RAP1B: variants seen among roughly 807,000 people sequenced by gnomAD.
The protein encoded by RAP1B is ras-related protein Rap-1b.
Under a neutral mutation model 27.5 loss-of-function variants are expected in RAP1B, and 1 was observed. The ratio of observed to expected loss-of-function variants is 0.04; its 90% CI spans 0.01 to 0.17. The LOEUF (loss-of-function observed/expected upper bound fraction) is 0.17, where lower values mean the gene tolerates loss of function less well. Among genes scored for constraint, RAP1B ranks in the 10% least tolerant of loss-of-function variants. The pLI is 1.00. For missense variants in RAP1B, 84 were observed against 214.8 expected, an observed-to-expected ratio of 0.39 and a Z score of 3.81; for synonymous variants, 75 against 73.1, an observed-to-expected ratio of 1.03 and a Z score of -0.13.
At chr12:68,623,678 T>C (rs1390841464) in intron 1 of RAP1B, among the ~76,000 whole-genome samples, 2 of 152,210 alleles carry the variant, frequency 1.3e-5, no homozygotes, top group Non-Finnish European at 2.9e-5. Context: ...ACCAACATAG[T>C]TATAGAACTT....
intron 1 of RAP1B, among the ~76,000 whole-genome samples, chr12:68,633,598 C>T (rs1479699254): frequency 1.3e-5 from 2 of 152,094 alleles, no homozygotes; most frequent in Non-Finnish European, 2.9e-5. Flanking sequence ...CGGCTGGGTG[C>T]GGTGGCTCAA....
chr12:68,621,811 A>G (rs1452074513), intron 1 of RAP1B, among the ~76,000 whole-genome samples: 1 of 152,224 alleles, frequency 6.6e-6, no homozygotes, highest in Admixed American at 6.5e-5. Context: ...TTTGAGTTAG[A>G]GATTATAGTC....
chr12:68,613,783 T>C (rs1281212488), intron 1 of RAP1B, among the ~76,000 whole-genome samples: 2 of 152,230 alleles, frequency 1.3e-5, no homozygotes, highest in African/African-American at 4.8e-5. Context: ...GTAATGAACA[T>C]TCAAAGAGAG....
chr12:68,654,593 T>C (rs1354503183), intron 5 of RAP1B, among the ~76,000 whole-genome samples: 11 of 151,794 alleles, frequency 7.2e-5, no homozygotes. Flanking sequence ...TTCTCCTGCC[T>C]CAGCCTCCCG....
chr12:68,657,862 A>G (rs549805299), intron 7 of RAP1B: 2 of 154,580 alleles, frequency 1.3e-5, no homozygotes, highest in African/African-American at 2.5e-5. Context: ...CATGTTCATC[A>G]TGTGCCAGTC....
chr12:68,643,919 G>A (rs1207056589), intron 1 of RAP1B, among the ~76,000 whole-genome samples: 1 of 151,804 alleles, frequency 6.6e-6, no homozygotes, highest in Non-Finnish European at 1.5e-5. Flanking sequence ...CCCCCACCTT[G>A]TCATGTATTT....
intron 1 of RAP1B, among the ~76,000 whole-genome samples, chr12:68,614,418 T>C (rs1870832136): frequency 6.6e-6 from 1 of 152,252 alleles, no homozygotes; most frequent in Non-Finnish European, 1.5e-5. Flanking sequence ...GGTTGGGTAT[T>C]GATCTGCAGT....
chr12:68,666,798 C>T lies in RAP1B; in HGVS notation c.*7549C>T, dbSNP rs1874874214. 1.3e-5 allele frequency: 2 copies of T among 152,174 alleles called. No individual in the cohort carries two copies. Among genetic ancestry groups the T allele is most frequent in the African/African-American group, 4.8e-5 (2 of 41,442 alleles). 9.4% of individuals were successfully genotyped at this position (152,174 alleles called of 1,614,324 possible). A position where few individuals can be genotyped will look rare whatever the true frequency, so the allele number is the denominator to read the frequency against. On this transcript the variant is annotated 3_prime_UTR_variant, in exon 8 of 8. Coordinates refer to ENST00000250559, the MANE Select transcript of RAP1B (RefSeq NM_001010942.3). ...CTAGTATGGGTCTGCTCCAAGATAA[C>T]TCAAAACATTCTGAACTGAATCAGC...
At chr12:68,625,045 G>A (rs531210985) in intron 1 of RAP1B, among the ~76,000 whole-genome samples, 1 of 152,234 alleles carries the variant, frequency 6.6e-6, no homozygotes, top group African/African-American at 2.4e-5. Flanking sequence ...AATGTTCAAC[G>A]ATGCACACAT....
chr12:68,627,979 C>T (rs933288814), intron 1 of RAP1B, among the ~76,000 whole-genome samples: 23 of 152,058 alleles, frequency 1.5e-4, no homozygotes, highest in African/African-American at 4.3e-4. Context: ...ATGCAGCACA[C>T]GCCTATAGTC....
chr12:68,650,598 T>C, intron 3 of RAP1B, 130 bp downstream of exon 3: 8 of 887,716 alleles, frequency 9.0e-6, no homozygotes, highest in Non-Finnish European at 1.2e-5. Flanking sequence ...GGGAAAAGTT[T>C]ACACTTTCTG....
intron 1 of RAP1B, among the ~76,000 whole-genome samples, chr12:68,646,217 A>G (rs897950176): frequency 6.6e-6 from 1 of 152,058 alleles, no homozygotes; most frequent in Non-Finnish European, 1.5e-5. Context: ...TGTAGTTTTT[A>G]TGTTGTTTCG....
At chr12:68,633,677 T>C (rs1355181521) in intron 1 of RAP1B, among the ~76,000 whole-genome samples, 1 of 152,118 alleles carries the variant, frequency 6.6e-6, no homozygotes, top group Non-Finnish European at 1.5e-5. Context: ...GAGACCAGCC[T>C]GGCCAATGTG....
At chr12:68,623,494 G>A (rs1007277478) in intron 1 of RAP1B, among the ~76,000 whole-genome samples, 1 of 152,016 alleles carries the variant, frequency 6.6e-6, no homozygotes, top group Non-Finnish European at 1.5e-5. Flanking sequence ...AGGTATTTTT[G>A]GATTTCAGAA....
Position 68,650,514 on chromosome 12 carries a change from ATACT to A in RAP1B, c.126+49_126+52del, listed in dbSNP as rs200510054. 1,082 of 1,338,676 alleles carry A rather than the reference ATACT, an allele frequency of 8.1e-4. 10 individuals are homozygous for A. The African/African-American group carries it at 0.015, about 18-fold the overall frequency. 82.9% of individuals were successfully genotyped at this position (1,338,676 alleles called of 1,614,324 possible). ...CCTTTTGCTTTTGATTTTAATATAAATACTTATTTTAGCTTTATAATTATTGAAT... is the reference window on the plus strand; with the variant it reads ...CCTTTTGCTTTTGATTTTAATATAAATATTTTAGCTTTATAATTATTGAAT... On this transcript the variant is annotated intron_variant, in intron 3 of 7. Coordinates refer to ENST00000250559, the MANE Select transcript of RAP1B (RefSeq NM_001010942.3).
chr12:68,631,922 T>A (rs1406812119), intron 1 of RAP1B, among the ~76,000 whole-genome samples: 1 of 152,134 alleles, frequency 6.6e-6, no homozygotes, highest in Non-Finnish European at 1.5e-5. Flanking sequence ...GGCCAACCAT[T>A]CTTGTTTTCC....
intron 5 of RAP1B, among the ~76,000 whole-genome samples, chr12:68,654,555 G>A (rs968868757): frequency 1.3e-5 from 2 of 151,356 alleles, no homozygotes; most frequent in African/African-American, 4.9e-5. Flanking sequence ...GCTGTGGTGC[G>A]ATAGCTGTAC....
chr12:68,614,752 C>T (rs1046523879), intron 1 of RAP1B, among the ~76,000 whole-genome samples: 1 of 152,174 alleles, frequency 6.6e-6, no homozygotes, highest in African/African-American at 2.4e-5. Context: ...ATTTTTAGTT[C>T]AGCCATCTGT....
intron 4 of RAP1B, among the ~76,000 whole-genome samples, chr12:68,653,649 C>T (rs1363983160): frequency 2.6e-5 from 4 of 152,072 alleles, no homozygotes; most frequent in Non-Finnish European, 5.9e-5. Context: ...CTATTTCCAG[C>T]TGGGCGTGGT....
Sources: gnomAD v4.1 joint callset for allele counts (sites outside exome capture counted in the v4.1 genomes callset) on GRCh38, gnomAD v4.1.1 for gene constraint, MANE v1.5 for transcripts, NCBI Gene and HGNC (gene_info 2026-07-23, HGNC 2026-07-21) for gene names.